PDCD10: variants seen among roughly 807,000 people sequenced by gnomAD.
The protein encoded by PDCD10 is programmed cell death protein 10.
In PDCD10, 4 loss-of-function variants were observed where a neutral mutation model predicts 29.2. The ratio of observed to expected loss-of-function variants is 0.14; its 90% CI spans 0.07 to 0.31. The LOEUF (loss-of-function observed/expected upper bound fraction) is 0.31. Ranked by LOEUF, PDCD10 falls within the 10% of genes least tolerant of loss-of-function variation. The pLI, the probability that PDCD10 is intolerant of heterozygous loss-of-function variation, is 1.00. For synonymous variants in PDCD10, 70 were observed against 82.2 expected, an observed-to-expected ratio of 0.85 and a Z score of 0.80; for missense variants, 183 against 257.9, an observed-to-expected ratio of 0.71 and a Z score of 1.99.
At chr3:167,718,031 A>G (rs1008819863) in intron 3 of PDCD10, among the ~76,000 whole-genome samples, 3 of 152,122 alleles carry the variant, frequency 2.0e-5, no homozygotes, top group Admixed American at 6.6e-5. Context: ...ACTTTGCCCA[A>G]TAACTTATCA....
chr3:167,698,369 T>C (rs1721021900), intron 4 of PDCD10, among the ~76,000 whole-genome samples: 1 of 152,094 alleles, frequency 6.6e-6, no homozygotes, highest in Admixed American at 6.5e-5. Context: ...GATATATATT[T>C]TAAAAAGAAT....
chr3:167,721,081 C>G (rs1488487618), intron 2 of PDCD10, among the ~76,000 whole-genome samples: 3 of 151,982 alleles, frequency 2.0e-5, no homozygotes, highest in Non-Finnish European at 4.4e-5. Flanking sequence ...ATTTCCTTTA[C>G]TATGGTTTAA....
At chr3:167,711,559 A>G (rs892252211) in intron 3 of PDCD10, among the ~76,000 whole-genome samples, 1 of 152,198 alleles carries the variant, frequency 6.6e-6, no homozygotes, top group African/African-American at 2.4e-5. Context: ...AGTTACTGGC[A>G]TTAAAGAGGA....
intron 6 of PDCD10, among the ~76,000 whole-genome samples, chr3:167,693,785 A>T (rs1720505572): frequency 6.6e-6 from 1 of 151,920 alleles, no homozygotes; most frequent in Non-Finnish European, 1.5e-5. Flanking sequence ...ATCTACTAAA[A>T]ATTAAAAAAA....
intron 2 of PDCD10, among the ~76,000 whole-genome samples, chr3:167,729,146 T>C (rs1469064843): frequency 6.6e-6 from 1 of 152,178 alleles, no homozygotes; most frequent in Non-Finnish European, 1.5e-5. Flanking sequence ...ACACTGATTG[T>C]GACTCTTGTA....
At chr3:167,727,599 C>T (rs919713485) in intron 2 of PDCD10, among the ~76,000 whole-genome samples, 4 of 152,130 alleles carry the variant, frequency 2.6e-5, no homozygotes, top group Admixed American at 2.6e-4. Context: ...CTTAGTTTCT[C>T]CAATACGATG....
intron 3 of PDCD10, among the ~76,000 whole-genome samples, chr3:167,717,695 C>A (rs1433176436): frequency 6.6e-6 from 1 of 151,986 alleles, no homozygotes; most frequent in African/African-American, 2.4e-5. Context: ...ACTCCCAATT[C>A]AAGCCCTAAA....
intron 2 of PDCD10, among the ~76,000 whole-genome samples, chr3:167,724,866 A>G (rs116767520): frequency 0.014 from 2,079 of 152,320 alleles, 48 homozygotes; most frequent in African/African-American, 0.047. Context: ...AATTATTTAC[A>G]AATTCTAATT....
rs748153515 is a variant in PDCD10 at position 167,715,074 on chromosome 3, G to C, written c.96+4988C>G. 3.9e-4 allele frequency among the ~76,000 whole-genome samples: 59 copies of C among 151,546 alleles called. No individual in the cohort carries two copies. Among genetic ancestry groups the C allele is most frequent in the Non-Finnish European group, 7.1e-4 (48 of 67,710 alleles). Reference sequence around the variant, plus strand: ...CCATCTACTGGCAAAAAAAAAACCAGACCAATGGAACAGAATAGAGAACCC... The same window carrying C: ...CCATCTACTGGCAAAAAAAAAACCACACCAATGGAACAGAATAGAGAACCC... On this transcript the variant is annotated intron_variant, in intron 3 of 8. Coordinates refer to ENST00000392750, the MANE Select transcript of PDCD10 (RefSeq NM_007217.4).
intron 3 of PDCD10, among the ~76,000 whole-genome samples, chr3:167,707,997 G>A (rs977109674): frequency 2.6e-5 from 4 of 152,124 alleles, no homozygotes; most frequent in African/African-American, 9.7e-5. Context: ...TGGATAGGCT[G>A]GGTAAGCCTA....
intron 6 of PDCD10, among the ~76,000 whole-genome samples, chr3:167,690,658 A>G (rs1720131247): frequency 6.6e-6 from 1 of 152,188 alleles, no homozygotes; most frequent in South Asian, 2.1e-4. Context: ...GCCTTTTGAA[A>G]TATTTGCTGG....
intron 3 of PDCD10, among the ~76,000 whole-genome samples, chr3:167,714,950 CA>C (rs1722866677): frequency 6.6e-6 from 1 of 151,568 alleles, no homozygotes. Flanking sequence ...AAGATTTATA[CA>C]GAACCACAAA....
chr3:167,723,573 T>C (rs769521850), intron 2 of PDCD10, among the ~76,000 whole-genome samples: 2 of 152,220 alleles, frequency 1.3e-5, no homozygotes, highest in South Asian at 4.1e-4. Flanking sequence ...TGTAGTGACT[T>C]GCTCCTGGTC....
intron 6 of PDCD10, among the ~76,000 whole-genome samples, chr3:167,687,989 A>T (rs1462055165): frequency 6.6e-6 from 1 of 152,202 alleles, no homozygotes; most frequent in African/African-American, 2.4e-5. Flanking sequence ...TTCCTTACTC[A>T]AATTTATAAA....
chr3:167,685,430 C>CAGGAAGAA (rs1258263394), intron 8 of PDCD10, among the ~76,000 whole-genome samples: 28 of 148,470 alleles, frequency 1.9e-4, no homozygotes, highest in Non-Finnish European at 1.5e-5. Context: ...AGAGAAGGGC[C>CAGGAAGAA]AGGAAGAAAT....
At chr3:167,705,113 CAT>C (rs1236897633) in intron 3 of PDCD10, among the ~76,000 whole-genome samples, 3 of 152,074 alleles carry the variant, frequency 2.0e-5, no homozygotes, top group Non-Finnish European at 4.4e-5. Flanking sequence ...AAAAGCAACC[CAT>C]ATGCTTTTAA....
chr3:167,712,361 T>C (rs1227635283), intron 3 of PDCD10, among the ~76,000 whole-genome samples: 1 of 152,142 alleles, frequency 6.6e-6, no homozygotes, highest in African/African-American at 2.4e-5. Context: ...AGTTTTCTTT[T>C]TGCTTATTTA....
At chr3:167,694,597 T>C in intron 6 of PDCD10, 2 of 153,134 alleles carry the variant, frequency 1.3e-5, no homozygotes, top group East Asian at 3.8e-4. Context: ...TTTGGGATCT[T>C]CCCTCACTGT....
At chr3:167,707,019 T>C (rs1415720413) in intron 3 of PDCD10, among the ~76,000 whole-genome samples, 2 of 152,208 alleles carry the variant, frequency 1.3e-5, no homozygotes, top group African/African-American at 2.4e-5. Context: ...TGTCACTGAA[T>C]ATCTTCAACC....
Sources: allele counts gnomAD v4.1 joint callset (sites outside exome capture counted in the v4.1 genomes callset), GRCh38; gene constraint gnomAD v4.1.1; transcripts MANE v1.5; gene names NCBI Gene and HGNC (gene_info 2026-07-23, HGNC 2026-07-21).